Variants in MECOM observed in about 807,000 individuals in gnomAD.
MECOM encodes histone-lysine N-methyltransferase MECOM.
A neutral mutation model predicts 116.3 loss-of-function variants in MECOM; 13 were observed. The ratio of observed to expected loss-of-function variants is 0.11; its 90% confidence interval spans 0.07 to 0.18. The LOEUF (loss-of-function observed/expected upper bound fraction) is 0.18. Ranked by LOEUF, MECOM falls within the 10% of genes least tolerant of loss-of-function variation. MECOM has a pLI of 1.00. For synonymous variants in MECOM, 528 were observed against 535.2 expected (o/e 0.99, Z 0.19); for missense variants, 1,299 against 1,509.0 (o/e 0.86, Z 2.31).
intron 1 of MECOM, among the ~76,000 whole-genome samples, chr3:169,424,181 G>A (rs112342713): frequency 6.6e-6 from 1 of 152,046 alleles, no homozygotes; most frequent in Non-Finnish European, 1.5e-5. Flanking sequence ...CCTCCTGTAG[G>A]CCTGGCTCAA....
At chr3:169,489,370 A>G (rs1252254667) in intron 1 of MECOM, among the ~76,000 whole-genome samples, 1 of 152,210 alleles carries the variant, frequency 6.6e-6, no homozygotes, top group Non-Finnish European at 1.5e-5. Context: ...ATAAAAATAG[A>G]ACAGGTTTTG....
intron 2 of MECOM, among the ~76,000 whole-genome samples, chr3:169,238,111 G>T (rs757787425): frequency 1.3e-5 from 2 of 148,448 alleles, no homozygotes; most frequent in Non-Finnish European, 3.0e-5. Context: ...GGGGGCAAAG[G>T]TTGGAGTGAG....
intron 12 of MECOM, among the ~76,000 whole-genome samples, chr3:169,099,663 A>C (rs1722898636): frequency 6.6e-6 from 1 of 152,148 alleles, no homozygotes; most frequent in African/African-American, 2.4e-5. Flanking sequence ...TAATAGAAAA[A>C]CTTAGCACTC....
At chr3:169,207,482 T>C (rs771627297) in intron 2 of MECOM, among the ~76,000 whole-genome samples, 4 of 152,206 alleles carry the variant, frequency 2.6e-5, no homozygotes, top group Non-Finnish European at 5.9e-5. Flanking sequence ...GAAAAGATCA[T>C]CTAAAATTTT....
chr3:169,143,351 T>C (rs914657220), intron 3 of MECOM, among the ~76,000 whole-genome samples: 3 of 152,128 alleles, frequency 2.0e-5, no homozygotes, highest in African/African-American at 7.2e-5. Flanking sequence ...ATTCACAAGA[T>C]GTTCTTGATT....
chr3:169,432,067 C>A (rs1313621219), intron 1 of MECOM, among the ~76,000 whole-genome samples: 1 of 151,576 alleles, frequency 6.6e-6, no homozygotes, highest in Non-Finnish European at 1.5e-5. Context: ...GCCAGAGAGA[C>A]AACAGTTCGA....
intron 3 of MECOM, chr3:169,132,045 G>C: frequency 1.1e-6 from 1 of 898,688 alleles, no homozygotes; most frequent in South Asian, 5.1e-5. Flanking sequence ...GACAACAAAG[G>C]AGAGTATTTT....
Position 169,223,999 on chromosome 3 carries a change from T to C in MECOM, c.376-80167A>G, listed in dbSNP as rs994062820. Among the ~76,000 whole-genome samples the C allele has an allele frequency of 2.0e-5, 3 of 147,298 alleles. No homozygotes were observed. The East Asian group carries it at 5.8e-4, about 28-fold the overall frequency. On this transcript the variant is annotated intron_variant, in intron 2 of 16. Coordinates refer to ENST00000651503, the MANE Select transcript of MECOM (RefSeq NM_004991.4). The stretch of plus-strand genomic sequence containing the variant: ...TCTTCACAAGAAAAGGAAGAGTGCT[T>C]CAGAATTTTTTTCTGAGCCACTGGA...
chr3:169,471,335 T>C (rs1032010900), intron 1 of MECOM, among the ~76,000 whole-genome samples: 1 of 149,758 alleles, frequency 6.7e-6, no homozygotes, highest in Non-Finnish European at 1.5e-5. Flanking sequence ...TATTTTTGCT[T>C]CTGCTTTTCT....
At chr3:169,596,788 T>G (rs1227510871) in intron 1 of MECOM, among the ~76,000 whole-genome samples, 3 of 152,178 alleles carry the variant, frequency 2.0e-5, no homozygotes, top group Non-Finnish European at 4.4e-5. Context: ...ATTCTGATAT[T>G]AAATACAACC....
intron 1 of MECOM, among the ~76,000 whole-genome samples, chr3:169,582,535 T>G (rs973668179): frequency 6.6e-6 from 1 of 152,186 alleles, no homozygotes; most frequent in Non-Finnish European, 1.5e-5. Flanking sequence ...CAGTTTATCC[T>G]GTCAAACTGT....
intron 1 of MECOM, among the ~76,000 whole-genome samples, chr3:169,432,254 G>A (rs1215318067): frequency 1.3e-5 from 2 of 151,906 alleles, no homozygotes; most frequent in Non-Finnish European, 2.9e-5. Flanking sequence ...TGCCTCCCAG[G>A]TTCAGGTGAT....
At position 169,663,536 on chromosome 3, in the gene MECOM, C is replaced by T. The variant is rs1360658035; in HGVS notation, c.-164G>A. 5 of 608,208 alleles carry T rather than the reference C, an allele frequency of 8.2e-6. No individual in the cohort carries two copies. In the African/African-American group the frequency reaches 8.4e-5, roughly 10 times the overall value. 37.7% of individuals were successfully genotyped at this position (608,208 alleles called of 1,614,324 possible). A position where few individuals can be genotyped will look rare whatever the true frequency, so the allele number is the denominator to read the frequency against. On this transcript the variant is annotated 5_prime_UTR_variant, in exon 1 of 17. Coordinates refer to ENST00000651503, the MANE Select transcript of MECOM (RefSeq NM_004991.4). ...TCTCTCTCTCTCTCTCTCTCCCTCCCTCCTGTTTCTCTCCTGTTTCTCTCT... is the reference window on the plus strand; with the variant it reads ...TCTCTCTCTCTCTCTCTCTCCCTCCTTCCTGTTTCTCTCCTGTTTCTCTCT...
chr3:169,297,926 G>A (rs1034937848), intron 2 of MECOM, among the ~76,000 whole-genome samples: 2 of 152,158 alleles, frequency 1.3e-5, no homozygotes, highest in Non-Finnish European at 2.9e-5. Context: ...TAGGAGAAGT[G>A]CCTAACATGA....
At chr3:169,215,308 C>T (rs985080741) in intron 2 of MECOM, among the ~76,000 whole-genome samples, 12 of 148,530 alleles carry the variant, frequency 8.1e-5, no homozygotes, top group African/African-American at 2.5e-4. Context: ...TGTGTAAAAC[C>T]GACCTTGGAC....
intron 2 of MECOM, among the ~76,000 whole-genome samples, chr3:169,342,289 T>C (rs1275254600): frequency 1.3e-5 from 2 of 151,946 alleles, no homozygotes; most frequent in African/African-American, 2.4e-5. Context: ...ATATAAAATA[T>C]CTGTTATATT....
intron 1 of MECOM, among the ~76,000 whole-genome samples, chr3:169,504,129 CA>C (rs372235939): frequency 6.9e-4 from 78 of 112,564 alleles, no homozygotes; most frequent in Non-Finnish European, 1.0e-3. Context: ...CTTCTGCTCT[CA>C]AAAAAAAAAG....
intron 1 of MECOM, among the ~76,000 whole-genome samples, chr3:169,627,518 A>C (rs978931478): frequency 6.6e-6 from 1 of 152,278 alleles, no homozygotes; most frequent in Non-Finnish European, 1.5e-5. Flanking sequence ...TACTTTAATC[A>C]GAGATGAACA....
chr3:169,219,501 C>T (rs559181004), intron 2 of MECOM, among the ~76,000 whole-genome samples: 13 of 152,138 alleles, frequency 8.5e-5, no homozygotes, highest in African/African-American at 2.2e-4. Flanking sequence ...AGCGAGACTC[C>T]GTCTTAAAAA....
Sources: allele counts gnomAD v4.1 joint callset (sites outside exome capture counted in the v4.1 genomes callset), GRCh38; gene constraint gnomAD v4.1.1; transcripts MANE v1.5; gene names NCBI Gene and HGNC (gene_info 2026-07-23, HGNC 2026-07-21).